Variants in KRABD2 observed in about 807,000 individuals in gnomAD.
KRABD2 encodes KRAB domain-containing protein 2.
At chr17:8,367,010 G>A in the KRABD2 span, among the ~76,000 whole-genome samples, 8 of 151,746 alleles carry the variant, frequency 5.3e-5, no homozygotes, top group South Asian at 2.1e-4. Context: ...ATGAGCCACC[G>A]TGCCCAGCCT....
the KRABD2 span, chr17:8,371,392 T>C: frequency 6.2e-7 from 1 of 1,614,122 alleles, no homozygotes; most frequent in East Asian, 2.2e-5. Context: ...ATTCCAATCT[T>C]TGGTCATATT....
chr17:8,363,757 CAT>C, the KRABD2 span, among the ~76,000 whole-genome samples: 40 of 144,898 alleles, frequency 2.8e-4, no homozygotes, highest in East Asian at 1.6e-3. Flanking sequence ...TTCATACATA[CAT>C]ATATATATCA....
At chr17:8,368,927 C>T in the KRABD2 span, 135 of 836,398 alleles carry the variant, frequency 1.6e-4, 2 homozygotes, top group Admixed American at 3.6e-3. Context: ...ATGAGCGCTG[C>T]GCCCGGCCAG....
At chr17:8,369,764 G>A in the KRABD2 span, 15 of 1,614,218 alleles carry the variant, frequency 9.3e-6, no homozygotes, top group Admixed American at 8.3e-5. Context: ...GATCCTGGTA[G>A]TATAAAATGA....
the KRABD2 span, chr17:8,367,229 T>C: frequency 0.22 from 33,038 of 151,828 alleles, 3,839 homozygotes; most frequent in Non-Finnish European, 0.27. Context: ...CCGCGCGTGG[T>C]GGCTCACGCC....
chr17:8,369,666 AGAATTGT>A, the KRABD2 span: 2 of 1,614,256 alleles, frequency 1.2e-6, no homozygotes, highest in Non-Finnish European at 1.7e-6. Flanking sequence ...GGGTGTACCA[AGAATTGT>A]GAAAATATCT....
At chr17:8,374,289 C>A in the KRABD2 span, among the ~76,000 whole-genome samples, 2 of 152,208 alleles carry the variant, frequency 1.3e-5, no homozygotes, top group Non-Finnish European at 2.9e-5. Context: ...AAGAAAAATT[C>A]TTCTGCCTTG....
chr17:8,362,854 C>T, the KRABD2 span, among the ~76,000 whole-genome samples: 1 of 152,148 alleles, frequency 6.6e-6, no homozygotes, highest in Non-Finnish European at 1.5e-5. This position sits in a 1 kb window ranked among gnomAD's most constrained non-coding sequence, Gnocchi z 4.2. Flanking sequence ...CAAGAGTAAA[C>T]CATTCCAAGA....
the KRABD2 span, chr17:8,376,695 C>G: frequency 1.0e-6 from 1 of 984,368 alleles, no homozygotes; most frequent in African/African-American, 1.7e-5. Flanking sequence ...GGCCCCCGAG[C>G]AGCAACTCCG....
the KRABD2 span, chr17:8,376,454 A>C: frequency 2.9e-6 from 3 of 1,028,138 alleles, no homozygotes; most frequent in East Asian, 7.9e-5. Flanking sequence ...CCACACGGGC[A>C]CGCCCGCTTA....
At chr17:8,368,200 G>A in the KRABD2 span, among the ~76,000 whole-genome samples, 36 of 152,086 alleles carry the variant, frequency 2.4e-4, no homozygotes, top group Non-Finnish European at 1.3e-4. Flanking sequence ...TAAGGATCTC[G>A]AGATGAGATC....
the KRABD2 span, chr17:8,369,516 C>T: frequency 5.8e-5 from 93 of 1,613,952 alleles, no homozygotes; most frequent in South Asian, 6.6e-4. Flanking sequence ...CTTTACATCA[C>T]GGCTTGCTCC....
the KRABD2 span, among the ~76,000 whole-genome samples, chr17:8,365,138 A>T: frequency 2.8e-4 from 43 of 152,316 alleles, no homozygotes; most frequent in African/African-American, 9.9e-4. Flanking sequence ...TGCTGAAATA[A>T]TGCAGGCCAG....
the KRABD2 span, chr17:8,371,200 T>C: frequency 9.9e-7 from 1 of 1,010,896 alleles, no homozygotes; most frequent in Non-Finnish European, 1.5e-6. Flanking sequence ...CTGAGGAGTC[T>C]GTCCTTATCT....
chr17:8,368,439 C>G, the KRABD2 span, among the ~76,000 whole-genome samples: 1 of 152,048 alleles, frequency 6.6e-6, no homozygotes, highest in Admixed American at 6.6e-5. Flanking sequence ...AAGATAGAAG[C>G]AGAGACTGGA....
the KRABD2 span, chr17:8,369,692 A>C: frequency 1.2e-6 from 2 of 1,614,250 alleles, no homozygotes; most frequent in African/African-American, 2.7e-5. Flanking sequence ...CTAACAAGAC[A>C]CTGACCACCT....
the KRABD2 span, chr17:8,369,185 T>G: frequency 6.2e-7 from 1 of 1,614,164 alleles, no homozygotes; most frequent in Non-Finnish European, 8.5e-7. Context: ...GTTCTGAAGC[T>G]TCAGGAGTGG....
the KRABD2 span, among the ~76,000 whole-genome samples, chr17:8,365,958 T>C: frequency 6.6e-6 from 1 of 151,780 alleles, no homozygotes; most frequent in Non-Finnish European, 1.5e-5. Flanking sequence ...AAACCCCATC[T>C]CTACTAAAAA....
the KRABD2 span, chr17:8,371,169 A>T: frequency 1.4e-6 from 1 of 740,038 alleles, no homozygotes. Flanking sequence ...GACTGTTTCA[A>T]AAAAAAAAAA....
Sources: allele counts gnomAD v4.1 joint callset (sites outside exome capture counted in the v4.1 genomes callset), GRCh38; gene constraint gnomAD v4.1.1; non-coding constraint Gnocchi (gnomAD v3.1); transcripts MANE v1.5; gene names NCBI Gene and HGNC (gene_info 2026-07-23, HGNC 2026-07-21).